The following EMSY variants were observed in gnomAD, a reference collection of about 807,000 sequenced individuals.
The protein encoded by EMSY is EMSY transcriptional repressor, BRCA2 interacting, also known as BRCA2-interacting transcriptional repressor EMSY.
A neutral mutation model predicts 134.6 loss-of-function variants in EMSY; 26 were observed. The observed-to-expected ratio is 0.19, with a 90% confidence interval of 0.14 to 0.27. EMSY has a LOEUF of 0.27. Among genes scored for constraint, EMSY ranks in the 10% least tolerant of loss-of-function variants. The pLI is 1.00. For synonymous variants in EMSY, 579 were observed against 577.8 expected (o/e 1.00, Z -0.03); for missense variants, 1,305 against 1,611.4 (o/e 0.81, Z 3.26).
At chr11:76,492,388 C>T (rs569709296) in intron 8 of EMSY, among the ~76,000 whole-genome samples, 34 of 152,088 alleles carry the variant, frequency 2.2e-4, no homozygotes, top group Non-Finnish European at 4.1e-4. Flanking sequence ...GCAGGAGAAT[C>T]GCTTGAACCG....
chr11:76,513,362 A>AG (rs780013408), intron 9 of EMSY, 24 bp from the exon 11 acceptor site: 40 of 1,610,304 alleles, frequency 2.5e-5, no homozygotes, highest in Non-Finnish European at 3.2e-5. Context: ...ATTTGTGCTG[A>AG]GATTTATCTT....
chr11:76,541,303 G>A (rs979275794), intron 17 of EMSY, among the ~76,000 whole-genome samples: 6 of 152,170 alleles, frequency 3.9e-5, no homozygotes, highest in Admixed American at 1.3e-4. Flanking sequence ...GACCTTTGTA[G>A]CAATAGAATA....
intron 17 of EMSY, among the ~76,000 whole-genome samples, chr11:76,539,911 T>G (rs1447721916): frequency 6.6e-6 from 1 of 152,196 alleles, no homozygotes; most frequent in Non-Finnish European, 1.5e-5. Flanking sequence ...TCAGCTATTT[T>G]CCAAGGGTTT....
chr11:76,458,285 T>C (rs1380698157), exon 5 of EMSY: 1 of 1,613,940 alleles, frequency 6.2e-7, no homozygotes, highest in Non-Finnish European at 8.5e-7. Flanking sequence ...CTGTAACAGC[T>C]AATGCTGTTG....
chr11:76,547,461 C>A (rs1039464432), intron 20 of EMSY, among the ~76,000 whole-genome samples: 5 of 152,138 alleles, frequency 3.3e-5, no homozygotes, highest in Non-Finnish European at 7.4e-5. Flanking sequence ...GTATTTTCCC[C>A]TGAAGAGGTA....
In EMSY at chr11:76,459,923, G is replaced by T. The variant is rs369145611; in HGVS notation, c.422-13G>T. On this transcript the variant is annotated splice_polypyrimidine_tract_variant and intron_variant, in intron 5 of 20. Transcript: ENST00000334736. ...AAAGTTAACAGCAAACTTTTTTATC[G>T]TTCCTTCAGTAGTGGTTTGCTATTC... 2.5e-6 allele frequency: 4 copies of T among 1,606,542 alleles called. No homozygotes were observed. The Admixed American group carries it at 6.8e-5, about 27-fold the overall frequency.
chr11:76,526,727 A>G, intron 13 of EMSY, 92 bp downstream of exon 14: 2 of 1,216,152 alleles, frequency 1.6e-6, no homozygotes, highest in Non-Finnish European at 2.3e-6. Context: ...AAGATCAGCA[A>G]TCTTTAAGAA....
At chr11:76,498,332 A>G (rs1481692396) in intron 9 of EMSY, among the ~76,000 whole-genome samples, 1 of 152,156 alleles carries the variant, frequency 6.6e-6, no homozygotes, top group Non-Finnish European at 1.5e-5. Flanking sequence ...TATATCAACT[A>G]GATTCTGTTG....
At chr11:76,494,651 C>A (rs530411492) in intron 8 of EMSY, among the ~76,000 whole-genome samples, 4 of 1,830 alleles carry the variant, frequency 2.2e-3, no homozygotes, top group South Asian at 0.017. Context: ...TTTCCTTTCC[C>A]TTCCTTCCTT....
chr11:76,520,034 C>T (rs1950589025), intron 11 of EMSY, among the ~76,000 whole-genome samples: 1 of 151,936 alleles, frequency 6.6e-6, no homozygotes, highest in East Asian at 1.9e-4. Flanking sequence ...CAGAAGTCCA[C>T]TGTGAAAGCA....
Position 76,472,938 on chromosome 11 carries a change from C to G in EMSY, c.1108+98C>G. The stretch of plus-strand genomic sequence containing the variant: ...TTTCTCTGCTTTGGATATGAAGGTC[C>G]CTACTATTAGACCCAAGATCACCAC... On this transcript the variant is annotated intron_variant, in intron 8 of 20. Transcript: ENST00000334736. 3 of 1,319,820 alleles carry G rather than the reference C, an allele frequency of 2.3e-6. No individual in the cohort carries two copies. The East Asian group carries it at 7.0e-5, about 31-fold the overall frequency. The allele number at this position is 1,319,820 out of a possible 1,614,324, so 81.8% of individuals were successfully genotyped here. A position where few individuals can be genotyped will look rare whatever the true frequency, so the allele number is the denominator to read the frequency against.
chr11:76,525,760 A>C (rs1950823454), intron 12 of EMSY, among the ~76,000 whole-genome samples: 1 of 152,102 alleles, frequency 6.6e-6, no homozygotes, highest in Non-Finnish European at 1.5e-5. Flanking sequence ...AAACATAGGA[A>C]GCACTCTGAG....
chr11:76,503,701 A>G (rs1208428380), intron 9 of EMSY, among the ~76,000 whole-genome samples: 2 of 152,204 alleles, frequency 1.3e-5, no homozygotes, highest in Non-Finnish European at 2.9e-5. Context: ...GGATTTGGCA[A>G]AGGATTCTTG....
intron 8 of EMSY, among the ~76,000 whole-genome samples, chr11:76,494,775 G>A (rs1444654553): frequency 2.1e-5 from 3 of 143,584 alleles, no homozygotes; most frequent in Non-Finnish European, 3.0e-5. Flanking sequence ...TTCTTCTGTC[G>A]CCCAGGCTGG....
chr11:76,523,437 AC>A, intron 12 of EMSY, 146 bp downstream of exon 13: 1 of 869,388 alleles, frequency 1.2e-6, no homozygotes, highest in Non-Finnish European at 1.7e-6. Flanking sequence ...CTGTTAAAGC[AC>A]CACCAACTGA....
intron 11 of EMSY, among the ~76,000 whole-genome samples, chr11:76,517,349 G>C (rs1382132221): frequency 6.6e-6 from 1 of 152,192 alleles, no homozygotes; most frequent in Non-Finnish European, 1.5e-5. Context: ...AGTAGGGAAA[G>C]AATCATTGTA....
intron 18 of EMSY, 120 bp from the exon 20 acceptor site, chr11:76,544,139 T>G (rs1210541595): frequency 2.9e-5 from 31 of 1,068,400 alleles, no homozygotes; most frequent in Non-Finnish European, 4.0e-5. Flanking sequence ...TTTCTTGGCC[T>G]TTCTAGGTTC....
At chr11:76,492,572 A>T (rs76500594) in intron 8 of EMSY, among the ~76,000 whole-genome samples, 1,693 of 152,346 alleles carry the variant, frequency 0.011, 29 homozygotes, top group East Asian at 0.052. Flanking sequence ...AAGTATGTGG[A>T]AATCACAGTG....
chr11:76,476,810 T>C (rs1948785091), intron 8 of EMSY, among the ~76,000 whole-genome samples: 1 of 152,080 alleles, frequency 6.6e-6, no homozygotes, highest in Non-Finnish European at 1.5e-5. Flanking sequence ...TGAAAAATGG[T>C]GTTTAGATAC....
Sources: gnomAD v4.1 joint callset for allele counts (sites outside exome capture counted in the v4.1 genomes callset) on GRCh38, gnomAD v4.1.1 for gene constraint, MANE v1.5 for transcripts, NCBI Gene and HGNC (gene_info 2026-07-23, HGNC 2026-07-21) for gene names.